Variants in SLC25A13 observed in about 807,000 individuals in gnomAD.
SLC25A13 encodes solute carrier family 25 member 13, also known as electrogenic aspartate/glutamate antiporter SLC25A13, mitochondrial.
In SLC25A13, 70 loss-of-function variants were observed where a neutral mutation model predicts 85.5. The observed-to-expected ratio is 0.82, with a 90% CI of 0.68 to 1.00. SLC25A13 has a LOEUF of 1.00. Ranked by LOEUF, SLC25A13 falls within the 50% of genes least tolerant of loss-of-function variation. The pLI, the probability that SLC25A13 is intolerant of heterozygous loss-of-function variation, is 0.00. For missense variants in SLC25A13, 765 were observed against 819.8 expected, an observed-to-expected ratio of 0.93 and a Z score of 0.82; for synonymous variants, 259 against 288.7, an observed-to-expected ratio of 0.90 and a Z score of 1.04.
intron 2 of SLC25A13, among the ~76,000 whole-genome samples, chr7:96,294,658 TA>T (rs1799280749): frequency 6.6e-6 from 1 of 151,826 alleles, no homozygotes; most frequent in African/African-American, 2.4e-5. Flanking sequence ...ATTTCTGGGC[TA>T]AAAACAAATT....
intron 12 of SLC25A13, 44 bp downstream of exon 12, chr7:96,171,428 T>C (rs549957039): frequency 7.2e-6 from 11 of 1,535,808 alleles, no homozygotes; most frequent in South Asian, 1.1e-5. Context: ...TTCTTGAGTA[T>C]GTACAAAATC....
At chr7:96,170,301 T>G (rs1365977919) in intron 12 of SLC25A13, among the ~76,000 whole-genome samples, 176 bp from the exon 13 acceptor site, 1 of 152,162 alleles carries the variant, frequency 6.6e-6, no homozygotes, top group Non-Finnish European at 1.5e-5. Flanking sequence ...AATAGTATAA[T>G]AGTTTTAAAA....
intron 13 of SLC25A13, among the ~76,000 whole-genome samples, chr7:96,146,942 T>G (rs966418959): frequency 2.0e-5 from 3 of 152,196 alleles, no homozygotes. Flanking sequence ...AGATTTCTGT[T>G]GACCTCCCCA....
chr7:96,193,014 C>G, intron 6 of SLC25A13, 23 bp downstream of exon 6: 1 of 1,613,410 alleles, frequency 6.2e-7, no homozygotes, highest in African/African-American at 1.3e-5. Flanking sequence ...TAAACCACTT[C>G]ATTAGGGCAA....
chr7:96,274,374 ATTTG>A (rs1275440796), intron 3 of SLC25A13, among the ~76,000 whole-genome samples: 1 of 151,550 alleles, frequency 6.6e-6, no homozygotes, highest in African/African-American at 2.4e-5. Context: ...TTTCTTGTAG[ATTTG>A]TTTGAGTTCA....
chr7:96,254,707 G>C (rs935909632), intron 3 of SLC25A13, among the ~76,000 whole-genome samples: 1 of 152,048 alleles, frequency 6.6e-6, no homozygotes, highest in Admixed American at 6.5e-5. Context: ...AGAGTTGATA[G>C]AGCTGCCTTT....
chr7:96,260,621 C>A (rs1797818934), intron 3 of SLC25A13, among the ~76,000 whole-genome samples: 1 of 152,030 alleles, frequency 6.6e-6, no homozygotes, highest in African/African-American at 2.4e-5. Flanking sequence ...TTCTAATGTC[C>A]TAAAGAACTC....
intron 3 of SLC25A13, among the ~76,000 whole-genome samples, chr7:96,257,154 T>C (rs559348999): frequency 2.0e-5 from 3 of 152,104 alleles, no homozygotes; most frequent in East Asian, 3.9e-4. Flanking sequence ...TTAAAAGAAC[T>C]AGAGAAGCAA....
At chr7:96,212,787 A>G (rs1795751928) in intron 4 of SLC25A13, among the ~76,000 whole-genome samples, 1 of 152,206 alleles carries the variant, frequency 6.6e-6, no homozygotes, top group Non-Finnish European at 1.5e-5. Flanking sequence ...TTTATGGTGA[A>G]GAAAAGTTTG....
chr7:96,178,959 C>G (rs1303400405), intron 11 of SLC25A13, among the ~76,000 whole-genome samples: 1 of 152,194 alleles, frequency 6.6e-6, no homozygotes, highest in African/African-American at 2.4e-5. Context: ...TAGCCAGGGA[C>G]AAATGCAGAA....
chr7:96,239,037 T>TTTTATATATATATATATATATA (rs1459741290), intron 3 of SLC25A13, among the ~76,000 whole-genome samples: 1 of 130,904 alleles, frequency 7.6e-6, no homozygotes, highest in African/African-American at 3.0e-5. Flanking sequence ...ACTATATATT[T>TTTTATATATATATATATATATA]TATATATATA....
At chr7:96,139,505 T>C (rs924933566) in intron 14 of SLC25A13, among the ~76,000 whole-genome samples, 2 of 152,250 alleles carry the variant, frequency 1.3e-5, no homozygotes, top group Admixed American at 6.5e-5. Flanking sequence ...ACCTGACTCC[T>C]TGAGGTATAC....
chr7:96,235,593 C>T (rs79182899), intron 3 of SLC25A13, among the ~76,000 whole-genome samples: 60 of 152,140 alleles, frequency 3.9e-4, no homozygotes, highest in African/African-American at 1.3e-3. Flanking sequence ...CTTGGATATG[C>T]GGTAATGGGT....
intron 11 of SLC25A13, among the ~76,000 whole-genome samples, chr7:96,181,700 T>C (rs1156724240): frequency 6.6e-6 from 1 of 152,166 alleles, no homozygotes; most frequent in African/African-American, 2.4e-5. Flanking sequence ...TAGGCCTTGA[T>C]AGAGAAAAAT....
At chr7:96,186,103 T>C (rs932225718) in intron 9 of SLC25A13, among the ~76,000 whole-genome samples, 1 of 152,070 alleles carries the variant, frequency 6.6e-6, no homozygotes, top group Non-Finnish European at 1.5e-5. Context: ...TTTAGTAATA[T>C]ACACCCAAAC....
chr7:96,276,385 G>A (rs1005146875), intron 3 of SLC25A13, among the ~76,000 whole-genome samples: 1 of 152,196 alleles, frequency 6.6e-6, no homozygotes, highest in Non-Finnish European at 1.5e-5. Context: ...ACTTTGGGAG[G>A]TAGAGGCAAG....
intron 3 of SLC25A13, among the ~76,000 whole-genome samples, chr7:96,239,337 A>G (rs1383500800): frequency 6.7e-6 from 1 of 149,956 alleles, no homozygotes; most frequent in Non-Finnish European, 1.5e-5. Flanking sequence ...GTACTATATT[A>G]CTTTACAGCA....
In SLC25A13 at chr7:96,120,794, C is replaced by A. The variant is rs192117485; in HGVS notation, c.*397G>T. 5 of 458,834 alleles carry A rather than the reference C, an allele frequency of 1.1e-5. No homozygotes were observed. The highest frequency in any genetic ancestry group is 9.4e-5 in the Admixed American group (4 of 42,698). The allele number at this position is 458,834 out of a possible 1,614,324, so 28.4% of individuals were successfully genotyped here. The stretch of plus-strand genomic sequence containing the variant: ...TTATAAATATGCACCTAGTTTCCTA[C>A]CAGTTTAAAACACACACGAAACACT... On this transcript the variant is annotated 3_prime_UTR_variant, in exon 18 of 18. Coordinates refer to ENST00000265631, the MANE Select transcript of SLC25A13 (RefSeq NM_014251.3).
chr7:96,215,291 T>G (rs1584466209), intron 4 of SLC25A13, among the ~76,000 whole-genome samples: 1 of 152,094 alleles, frequency 6.6e-6, no homozygotes, highest in African/African-American at 2.4e-5. Flanking sequence ...GAGACAGGGT[T>G]TCACCATGTT....
Sources: allele counts gnomAD v4.1 joint callset (sites outside exome capture counted in the v4.1 genomes callset), GRCh38; gene constraint gnomAD v4.1.1; transcripts MANE v1.5; gene names NCBI Gene and HGNC (gene_info 2026-07-23, HGNC 2026-07-21).